MTAP: variants seen among roughly 807,000 people sequenced by gnomAD.
MTAP encodes the protein methylthioadenosine phosphorylase, also known as S-methyl-5'-thioadenosine phosphorylase.
In MTAP, 33 loss-of-function variants were observed where a neutral mutation model predicts 33.6. The ratio of observed to expected loss-of-function variants is 0.98; its 90% confidence interval spans 0.74 to 1.31. The LOEUF (loss-of-function observed/expected upper bound fraction) is 1.31. Among genes scored for constraint, MTAP ranks in the 40% most tolerant of loss-of-function variants. The probability of loss-of-function intolerance (pLI) is 0.00; values close to 1 mark genes in which losing one functional copy is unlikely to be tolerated. For missense variants in MTAP, 367 were observed against 360.0 expected (o/e 1.02, Z -0.16); for synonymous variants, 148 against 125.7 (o/e 1.18, Z -1.19).
At chr9:21,832,014 C>T (rs1824979666) in intron 4 of MTAP, among the ~76,000 whole-genome samples, 1 of 152,162 alleles carries the variant, frequency 6.6e-6, no homozygotes, top group South Asian at 2.1e-4. Flanking sequence ...CCGTGAAATT[C>T]CTTTGTCACT....
intron 1 of MTAP, among the ~76,000 whole-genome samples, chr9:21,897,715 C>T (rs1818319816): frequency 6.6e-6 from 1 of 152,150 alleles, no homozygotes. Flanking sequence ...GAAACCACTG[C>T]TCAATGAAAT....
At chr9:21,912,639 A>T (rs550465827) in intron 1 of MTAP, among the ~76,000 whole-genome samples, 1 of 152,224 alleles carries the variant, frequency 6.6e-6, no homozygotes, top group Non-Finnish European at 1.5e-5. Flanking sequence ...ATCTCAAAAT[A>T]ATAAGAGCTA....
chr9:21,883,297 T>C (rs1005966808), intron 1 of MTAP, among the ~76,000 whole-genome samples: 2 of 152,032 alleles, frequency 1.3e-5, no homozygotes, highest in African/African-American at 4.8e-5. Flanking sequence ...TTCTTAGTGA[T>C]AAGAGAAATG....
At chr9:21,820,473 G>C (rs1460882138) in intron 4 of MTAP, among the ~76,000 whole-genome samples, 2 of 152,156 alleles carry the variant, frequency 1.3e-5, no homozygotes, top group Non-Finnish European at 2.9e-5. Flanking sequence ...TATTATTTCT[G>C]AGGGCTCTGT....
intron 1 of MTAP, among the ~76,000 whole-genome samples, chr9:21,879,965 A>G (rs1030462894): frequency 1.3e-5 from 2 of 151,984 alleles, no homozygotes; most frequent in African/African-American, 4.8e-5. Flanking sequence ...TTCCTTTAAC[A>G]TTCTTTCTTT....
chr9:21,814,695 A>G (rs997156922), intron 1 of MTAP, among the ~76,000 whole-genome samples: 3 of 152,228 alleles, frequency 2.0e-5, no homozygotes, highest in Non-Finnish European at 2.9e-5. Flanking sequence ...AATACAATGC[A>G]TGAACTTAAA....
intron 5 of MTAP, among the ~76,000 whole-genome samples, chr9:21,838,904 C>T (rs1825175474): frequency 1.3e-5 from 2 of 152,182 alleles, no homozygotes; most frequent in African/African-American, 4.8e-5. Context: ...TACCTAAACA[C>T]GTTAGTTATT....
chr9:21,857,898 A>G (rs938810287), intron 6 of MTAP, among the ~76,000 whole-genome samples: 2 of 152,320 alleles, frequency 1.3e-5, no homozygotes, highest in African/African-American at 2.4e-5. Flanking sequence ...TGCTGAAATC[A>G]TCTCCTTGGA....
chr9:21,818,472 C>T (rs1419174471), intron 4 of MTAP, among the ~76,000 whole-genome samples: 1 of 151,760 alleles, frequency 6.6e-6, no homozygotes, highest in Non-Finnish European at 1.5e-5. Flanking sequence ...GGACTACAGG[C>T]ACATGCCACA....
intron 5 of MTAP, among the ~76,000 whole-genome samples, chr9:21,840,757 T>C (rs1224309573): frequency 1.3e-5 from 2 of 151,856 alleles, no homozygotes; most frequent in East Asian, 1.9e-4. Flanking sequence ...TCAGGCAGAG[T>C]CCAAGGGACT....
chr9:21,898,227 T>G (rs556710458), intron 1 of MTAP, among the ~76,000 whole-genome samples: 30 of 152,234 alleles, frequency 2.0e-4, no homozygotes, highest in African/African-American at 5.8e-4. Context: ...ATGCAAAAAT[T>G]AATTCAAGGT....
chr9:21,896,299 T>C (rs1818292325), intron 1 of MTAP, among the ~76,000 whole-genome samples: 1 of 152,026 alleles, frequency 6.6e-6, no homozygotes, highest in Non-Finnish European at 1.5e-5. Context: ...AGATCTAAAA[T>C]TGACACCCTA....
At chr9:21,827,894 C>T (rs1824862857) in intron 4 of MTAP, among the ~76,000 whole-genome samples, 1 of 152,142 alleles carries the variant, frequency 6.6e-6, no homozygotes, top group Non-Finnish European at 1.5e-5. Context: ...TACAAAACTC[C>T]ATATTCAGGA....
intron 5 of MTAP, among the ~76,000 whole-genome samples, chr9:21,846,564 A>G (rs1293164406): frequency 6.6e-6 from 1 of 152,252 alleles, no homozygotes; most frequent in Non-Finnish European, 1.5e-5. Flanking sequence ...AAGAATGGCC[A>G]TAATTTAAAC....
chr9:21,930,037 G>A, intron 1 of MTAP: 1 of 410,742 alleles, frequency 2.4e-6, no homozygotes, highest in Non-Finnish European at 4.8e-6. Flanking sequence ...AGTTTTGCCA[G>A]CAATGCCCAA....
chr9:21,826,624 A>ATTATTG (rs1563836290), intron 4 of MTAP, among the ~76,000 whole-genome samples: 3 of 142,784 alleles, frequency 2.1e-5, no homozygotes, highest in African/African-American at 7.7e-5. Context: ...TATTATTATT[A>ATTATTG]TTATTATTAT....
At chr9:21,937,351 G>A (rs1186997822) in exon 8 of MTAP, 1 of 151,922 alleles carries the variant, frequency 6.6e-6, no homozygotes, top group African/African-American at 2.4e-5. Context: ...AAAAAAAAGA[G>A]TCTTAATATC....
chr9:21,872,881 G>A (rs1245141029), intron 1 of MTAP, among the ~76,000 whole-genome samples: 2 of 152,174 alleles, frequency 1.3e-5, no homozygotes, highest in Admixed American at 6.5e-5. Flanking sequence ...ACTCCCTCGG[G>A]AGGGAATGTG....
chr9:21,937,434 G>A (rs923710257), exon 8 of MTAP: 3 of 152,060 alleles, frequency 2.0e-5, no homozygotes, highest in African/African-American at 7.2e-5. Flanking sequence ...AAAGAGTATT[G>A]CTCCAGTTTT....
Sources: allele counts gnomAD v4.1 joint callset (sites outside exome capture counted in the v4.1 genomes callset), GRCh38; gene constraint gnomAD v4.1.1; transcripts MANE v1.5; gene names NCBI Gene and HGNC (gene_info 2026-07-23, HGNC 2026-07-21).